The following PAN2 variants were observed in gnomAD, a reference collection of about 807,000 sequenced individuals.
PAN2 encodes PAN2-PAN3 deadenylation complex catalytic subunit PAN2.
In PAN2, 68 loss-of-function variants were observed where a neutral mutation model predicts 133.3. The observed-to-expected ratio is 0.51, with a 90% CI of 0.42 to 0.62. The LOEUF (loss-of-function observed/expected upper bound fraction) is 0.62. Ranked by LOEUF, PAN2 falls within the 20% of genes least tolerant of loss-of-function variation. PAN2 has a pLI of 0.00. For synonymous variants in PAN2, 462 were observed against 544.6 expected (o/e 0.85, Z 2.11); for missense variants, 1,042 against 1,500.5 (o/e 0.69, Z 5.05).
intron 4 of PAN2, 64 bp downstream of exon 4, chr12:56,328,174 A>G: frequency 1.3e-6 from 2 of 1,597,944 alleles, no homozygotes. Flanking sequence ...TACCAGCCCA[A>G]GCATACCCTG....
intron 6 of PAN2, 58 bp downstream of exon 6, chr12:56,327,306 G>A: frequency 1.3e-6 from 2 of 1,572,894 alleles, no homozygotes; most frequent in African/African-American, 1.3e-5. Context: ...ACTCCTTCGG[G>A]TTCTAGCTCT....
rs775321008 is a variant in PAN2 at position 56,322,189 on chromosome 12, T to A, written c.2698-21A>T. The A allele has an allele frequency of 9.8e-6, 14 of 1,429,066 alleles. No individual in the cohort carries two copies. The African/African-American group carries it at 2.0e-4, about 20-fold the overall frequency. 88.5% of individuals were successfully genotyped at this position (1,429,066 alleles called of 1,614,324 possible). ...TCATGCTATAGAAGAGAAAAAGCAC[T>A]TATGGCTAATGTATATCACCCTTTT... is the stretch of plus-strand genomic sequence containing the variant. On this transcript the variant is annotated intron_variant, in intron 19 of 25. Coordinates refer to ENST00000440411, the MANE Select transcript of PAN2 (RefSeq NM_014871.6).
intron 24 of PAN2, chr12:56,318,636 C>T (rs556300303): frequency 3.6e-6 from 2 of 562,294 alleles, no homozygotes; most frequent in Non-Finnish European, 6.2e-6. Flanking sequence ...AGGGTCTCCC[C>T]TACTCCCATT....
At position 56,322,670 on chromosome 12, in the gene PAN2, CCT is replaced by C. The variant is rs767273852; in HGVS notation, c.2580_2581del (p.Gly862GlnfsTer29). On this transcript the variant is annotated frameshift_variant, in exon 18 of 26. Coordinates refer to ENST00000440411, the MANE Select transcript of PAN2 (RefSeq NM_014871.6). LOFTEE classifies it high-confidence loss of function. Reference sequence around the variant, plus strand: ...TTTGATGTGAGCCACCAGGCTGCCCCCTGTGCGTGAGTCCAGGATGTGTACCA... The same window carrying C: ...TTTGATGTGAGCCACCAGGCTGCCCCGTGCGTGAGTCCAGGATGTGTACCA... 1.9e-6 allele frequency: 3 copies of C among 1,614,090 alleles called. No individual in the cohort carries two copies. The highest frequency in any genetic ancestry group is 1.1e-5 in the South Asian group (1 of 91,074).
chr12:56,324,972 C>G, intron 10 of PAN2, 37 bp downstream of exon 10: 1 of 1,608,510 alleles, frequency 6.2e-7, no homozygotes, highest in East Asian at 2.2e-5. Flanking sequence ...AGAAAAGCAG[C>G]AGGCACGTTC....
intron 7 of PAN2, 80 bp from the exon 8 acceptor site, chr12:56,326,489 AAAAG>A: frequency 6.6e-7 from 1 of 1,513,916 alleles, no homozygotes; most frequent in Non-Finnish European, 8.9e-7. Flanking sequence ...GGTCCAGAGA[AAAAG>A]AAAATACTGA....
intron 1 of PAN2, chr12:56,333,446 C>A: frequency 3.7e-6 from 1 of 268,194 alleles, no homozygotes; most frequent in Non-Finnish European, 7.3e-6. Context: ...CTAACCTAAT[C>A]CTTGACTTCC....
chr12:56,320,745 C>CTTT (rs764563787), intron 20 of PAN2, among the ~76,000 whole-genome samples: 29 of 115,166 alleles, frequency 2.5e-4, no homozygotes, highest in South Asian at 2.9e-4. Context: ...CTTACAGCTG[C>CTTT]TTTTTTTTTT....
chr12:56,323,897 G>C lies in PAN2; in HGVS notation c.2082C>G (p.Asn694Lys), dbSNP rs368582731. The change falls in exon 14 of 26, where the codon AAC becomes AAG. Residue 694 changes from asparagine to lysine, a missense_variant. By Grantham distance (94) the Asn-to-Lys change is moderately conservative. Around this residue, in one of 3 missense-constraint regions of PAN2, gnomAD observed 908 missense variants for 1,223.5 expected, o/e 0.74. Transcript: ENST00000440411. Reference sequence around the variant, plus strand: ...GCTTCAGCACCTGAGCAAAGTCATAGTTCTTCCCAGTTTTATCTGAGGGAA... The same window carrying C: ...GCTTCAGCACCTGAGCAAAGTCATACTTCTTCCCAGTTTTATCTGAGGGAA... ...LSYPDDKTGKNYDFAQVLKRS... is the reference protein window; with the variant it reads ...LSYPDDKTGKKYDFAQVLKRS... The C allele has an allele frequency of 1.9e-6, 3 of 1,613,784 alleles. No homozygotes were observed. The highest frequency in any genetic ancestry group is 2.5e-6 in the Non-Finnish European group (3 of 1,179,722).
chr12:56,321,300 C>A (rs1316795395), intron 20 of PAN2, among the ~76,000 whole-genome samples: 2 of 149,320 alleles, frequency 1.3e-5, no homozygotes, highest in Admixed American at 6.7e-5. Context: ...GCAATCTTGA[C>A]TCACTGAAAT....
intron 24 of PAN2, 126 bp downstream of exon 24, chr12:56,318,958 CTGAG>C: frequency 3.8e-6 from 3 of 782,926 alleles, no homozygotes; most frequent in South Asian, 3.2e-5. Flanking sequence ...TTTTCTGTTT[CTGAG>C]TTAGTTCACT....
rs1168422628 is a variant in PAN2 at position 56,317,630 on chromosome 12, G to A, written c.3576C>T (p.Phe1192=). The A allele has an allele frequency of 6.2e-7, 1 of 1,613,828 alleles. No homozygotes were observed. The change falls in exon 26 of 26, where the codon TTC becomes TTT. Residue 1192 remains phenylalanine, a synonymous_variant. Transcript: ENST00000440411. ...GQTSPKNAAV[F]SSVLAL is the part of the protein sequence containing the mutation. Reference sequence around the variant, plus strand: ...GTAGTCAGAGCGCCAGCACTGAGGAGAAGACAGCTGCATCTGTCAGAGACA... The same window carrying A: ...GTAGTCAGAGCGCCAGCACTGAGGAAAAGACAGCTGCATCTGTCAGAGACA...
Position 56,323,366 on chromosome 12 carries a change from C to T in PAN2, c.2290G>A (p.Val764Ile). ...MQAEVAFKMAVKKHGGEISKN... is the reference protein window; with the variant it reads ...MQAEVAFKMAIKKHGGEISKN... ...GAGATTTCCCCACCGTGTTTCTTTA[C>T]TGCCATCTTGAAGGCAACCTGAACA... The change falls in exon 16 of 26, where the codon GTA becomes ATA. Residue 764 changes from valine (V) to isoleucine (I), a missense_variant. Val to Ile is a conservative substitution (Grantham distance 29, BLOSUM62 3). Around this residue, in one of 3 missense-constraint regions of PAN2, gnomAD observed 908 missense variants for 1,223.5 expected, o/e 0.74. Coordinates refer to ENST00000440411, the MANE Select transcript of PAN2 (RefSeq NM_014871.6). The T allele has an allele frequency of 6.2e-7, 1 of 1,613,910 alleles. No homozygotes were observed.
At position 56,326,779 on chromosome 12, in the gene PAN2, G is replaced by C; in HGVS notation, c.1100C>G (p.Pro367Arg). ...AGCAAACTCAGTCTCACGGGAGTAG[G>C]GGTTGAAGGAAGGCTCCGGGGAATC... ...WTDSPEPSFN[P>R]YSRETEFALP... The change falls in exon 7 of 26, where the codon CCC becomes CGC. Residue 367 changes from proline to arginine, a missense_variant. By Grantham distance (103) the Pro-to-Arg change is moderately radical (BLOSUM62 -2). Transcript: ENST00000440411. 1 of 1,614,204 alleles carries C rather than the reference G, an allele frequency of 6.2e-7. No individual in the cohort carries two copies. Among genetic ancestry groups the C allele is most frequent in the Non-Finnish European group, 8.5e-7 (1 of 1,180,030 alleles).
At chr12:56,333,401 C>T in intron 1 of PAN2, 193 bp from the exon 2 acceptor site, 1 of 425,094 alleles carries the variant, frequency 2.4e-6, no homozygotes, top group South Asian at 2.7e-5. Flanking sequence ...ATCCCTCCTC[C>T]GCTAGGCCCT....
chr12:56,322,750 T>A lies in PAN2; in HGVS notation c.2502A>T (p.Pro834=). Residue 834 remains proline, a synonymous_variant, in exon 18 of 26, where the codon CCA becomes CCT. Coordinates refer to ENST00000440411, the MANE Select transcript of PAN2 (RefSeq NM_014871.6). ...CACCATGCTCCTCCTCTGCCCTGGC[T>A]GGGCCCCACTGTGAGGGGGGTACCC... ...WTDGDEMQWG[P]ARAEEEHGVY... The A allele has an allele frequency of 6.2e-7, 1 of 1,600,528 alleles. No homozygotes were observed. Among genetic ancestry groups the A allele is most frequent in the Non-Finnish European group, 8.5e-7 (1 of 1,173,448 alleles).
intron 6 of PAN2, 100 bp downstream of exon 6, chr12:56,327,264 T>C: frequency 7.5e-7 from 1 of 1,332,330 alleles, no homozygotes; most frequent in Non-Finnish European, 1.1e-6. Flanking sequence ...AAAGGTTACT[T>C]CTTTCCCCAA....
At chr12:56,320,660 T>G (rs2135955777) in intron 20 of PAN2, among the ~76,000 whole-genome samples, 1 of 149,838 alleles carries the variant, frequency 6.7e-6, no homozygotes, top group African/African-American at 2.5e-5. Context: ...AAAGAATAAT[T>G]AGATGTAACA....
intron 2 of PAN2, among the ~76,000 whole-genome samples, chr12:56,330,950 C>T (rs1319206048): frequency 2.0e-5 from 3 of 152,076 alleles, no homozygotes; most frequent in Non-Finnish European, 4.4e-5. Context: ...AGGAACCTGC[C>T]ACCACACCCA....
Sources: allele counts gnomAD v4.1 joint callset (sites outside exome capture counted in the v4.1 genomes callset), GRCh38; gene constraint gnomAD v4.1.1; regional missense constraint gnomAD v4.1.1; transcripts MANE v1.5; gene names NCBI Gene and HGNC (gene_info 2026-07-23, HGNC 2026-07-21).